The following POLK variants were observed in gnomAD, a reference collection of about 807,000 sequenced individuals.
POLK encodes the protein DNA polymerase kappa, also known as polymerase (DNA directed) kappa.
POLK carries 76 observed loss-of-function variants against 94.0 expected under a neutral mutation model. The ratio of observed to expected loss-of-function variants is 0.81; its 90% CI spans 0.67 to 0.98. The LOEUF (loss-of-function observed/expected upper bound fraction) is 0.98, where lower values mean the gene tolerates loss of function less well. Among genes scored for constraint, POLK ranks in the 50% least tolerant of loss-of-function variants. POLK has a pLI of 0.00. For missense variants in POLK, 954 were observed against 1,010.1 expected, an observed-to-expected ratio of 0.94 and a Z score of 0.75; for synonymous variants, 349 against 325.4, an observed-to-expected ratio of 1.07 and a Z score of -0.78.
At chr5:75,591,886 C>T (rs532761471) in intron 11 of POLK, among the ~76,000 whole-genome samples, 4 of 152,284 alleles carry the variant, frequency 2.6e-5, no homozygotes, top group Middle Eastern at 6.8e-3. Context: ...AACATCCTAT[C>T]ATGGGGTGTA....
At position 75,596,347 on chromosome 5, in the gene POLK, A is replaced by G. The variant is rs1773083391; in HGVS notation, c.1654A>G (p.Lys552Glu). ...TGAGTGTACATTAGAGAAAACTGACAAAGATAAGTTTGTAAAACCTCTAGA... is the reference window on the plus strand; with the variant it reads ...TGAGTGTACATTAGAGAAAACTGACGAAGATAAGTTTGTAAAACCTCTAGA... Residue 552 changes from lysine to glutamate, a missense_variant, in exon 13 of 15, where the codon AAA (lysine) becomes GAA (glutamate). Transcript: ENST00000241436. The G allele has an allele frequency of 1.9e-6, 3 of 1,613,294 alleles. No homozygotes were observed. Among genetic ancestry groups the G allele is most frequent in the Non-Finnish European group, 2.5e-6 (3 of 1,179,194 alleles).
At chr5:75,516,799 T>G (rs1768343496) in intron 1 of POLK, among the ~76,000 whole-genome samples, 1 of 152,352 alleles carries the variant, frequency 6.6e-6, no homozygotes, top group East Asian at 1.9e-4. Context: ...ATTTGATTTT[T>G]GTATCAAAAA....
exon 13 of POLK, chr5:75,596,457 G>C: frequency 6.2e-7 from 1 of 1,613,928 alleles, no homozygotes; most frequent in Non-Finnish European, 8.5e-7. Context: ...GTGAAGCCGT[G>C]AATAAACAAA....
At chr5:75,597,883 T>G (rs780885222) in intron 14 of POLK, 51 bp from the exon 15 acceptor site, 28 of 1,184,870 alleles carry the variant, frequency 2.4e-5, no homozygotes, top group Non-Finnish European at 3.3e-5. Context: ...AAATGAATTA[T>G]TTTCTAGAAT....
chr5:75,513,423 G>A (rs973541508), intron 1 of POLK, among the ~76,000 whole-genome samples: 1 of 152,160 alleles, frequency 6.6e-6, no homozygotes, highest in African/African-American at 2.4e-5. Context: ...GGAAGAGGTA[G>A]ATGGGGATAC....
intron 10 of POLK, among the ~76,000 whole-genome samples, chr5:75,588,942 C>G (rs1014594013): frequency 2.6e-5 from 4 of 152,156 alleles, no homozygotes; most frequent in African/African-American, 9.7e-5. Context: ...ATGTAAGATA[C>G]TAGGTTCACA....
At chr5:75,550,656 C>A (rs1580995497) in intron 2 of POLK, among the ~76,000 whole-genome samples, 1 of 152,132 alleles carries the variant, frequency 6.6e-6, no homozygotes. Flanking sequence ...GGCAAAAAAA[C>A]CACACGATCA....
chr5:75,602,125 CA>C (rs1028055370), downstream of POLK, among the ~76,000 whole-genome samples: 3 of 152,184 alleles, frequency 2.0e-5, no homozygotes, highest in Non-Finnish European at 4.4e-5. Flanking sequence ...TGTGTGACAG[CA>C]TGTGCAAAAT....
exon 13 of POLK, chr5:75,596,260 A>G: frequency 6.2e-7 from 1 of 1,611,586 alleles, no homozygotes; most frequent in Non-Finnish European, 8.5e-7. Flanking sequence ...AGAGGACAGG[A>G]AACACCAACA....
chr5:75,561,590 G>A (rs557669591), intron 3 of POLK, among the ~76,000 whole-genome samples: 3 of 152,194 alleles, frequency 2.0e-5, no homozygotes, highest in Non-Finnish European at 4.4e-5. Flanking sequence ...CCATGCCTGT[G>A]TCCTGAATGG....
At chr5:75,602,665 T>C (rs1181539416), downstream of POLK, among the ~76,000 whole-genome samples, 1 of 152,250 alleles carries the variant, frequency 6.6e-6, no homozygotes, top group African/African-American at 2.4e-5. Context: ...TCAAGGAGGA[T>C]GGGCTATGCG....
Position 75,592,717 on chromosome 5 carries a change from C to A in POLK, c.1357-1161C>A, listed in dbSNP as rs559128033. Among the ~76,000 whole-genome samples, 496 of 149,180 alleles carry A rather than the reference C, an allele frequency of 3.3e-3. 1 individual carries two copies. Among genetic ancestry groups the A allele is most frequent in the African/African-American group, 0.012 (476 of 40,338 alleles). ...CTAAAACAACAAAAAAAAAAACAAA[C>A]AAAAAAATTCAGTTGGGAAGGGGAA... On this transcript the variant is annotated intron_variant, in intron 11 of 14. Coordinates refer to ENST00000241436, the Ensembl canonical transcript of POLK.
intron 1 of POLK, among the ~76,000 whole-genome samples, chr5:75,514,661 G>A (rs953416215): frequency 9.2e-5 from 14 of 152,110 alleles, no homozygotes; most frequent in African/African-American, 2.7e-4. Flanking sequence ...GACCTTAGGC[G>A]CTTGCAATAC....
intron 1 of POLK, among the ~76,000 whole-genome samples, chr5:75,533,446 GTC>G (rs1053151564): frequency 6.6e-6 from 1 of 152,130 alleles, no homozygotes; most frequent in African/African-American, 2.4e-5. Flanking sequence ...TTGTCTGTGT[GTC>G]TGTTTTGTAC....
At chr5:75,549,496 G>T (rs1770229896) in intron 2 of POLK, among the ~76,000 whole-genome samples, 1 of 150,606 alleles carries the variant, frequency 6.6e-6, no homozygotes, top group Admixed American at 6.6e-5. Context: ...TTGAAGCTTT[G>T]CTTTCATATA....
At chr5:75,526,030 A>G (rs543933308) in intron 1 of POLK, among the ~76,000 whole-genome samples, 1 of 152,320 alleles carries the variant, frequency 6.6e-6, no homozygotes, top group Admixed American at 6.5e-5. Context: ...CTTCTTAAGC[A>G]CTTAGTATCT....
chr5:75,603,451 C>A (rs1581119341), downstream of POLK, among the ~76,000 whole-genome samples: 1 of 148,134 alleles, frequency 6.8e-6, no homozygotes, highest in Admixed American at 6.7e-5. Flanking sequence ...AAGCAGTTTT[C>A]AAAAGCTCTC....
At chr5:75,526,576 T>G (rs1386145467) in intron 1 of POLK, among the ~76,000 whole-genome samples, 5 of 148,182 alleles carry the variant, frequency 3.4e-5, no homozygotes, top group Non-Finnish European at 4.5e-5. Flanking sequence ...TTTTTTTTGT[T>G]TTTTTTTTTT....
chr5:75,585,117 T>A (rs1772398388), intron 9 of POLK, among the ~76,000 whole-genome samples, 191 bp downstream of exon 9: 1 of 152,184 alleles, frequency 6.6e-6, no homozygotes, highest in African/African-American at 2.4e-5. Context: ...AAAGAATCAC[T>A]CCTAGGTTGT....
Sources: allele counts gnomAD v4.1 joint callset (sites outside exome capture counted in the v4.1 genomes callset), GRCh38; gene constraint gnomAD v4.1.1; transcripts MANE v1.5; gene names NCBI Gene and HGNC (gene_info 2026-07-23, HGNC 2026-07-21).